Variants in GSE1 observed in about 807,000 individuals in gnomAD.
GSE1 encodes the protein genetic suppressor element 1.
GSE1 carries 32 observed loss-of-function variants against 112.6 expected under a neutral mutation model. The observed-to-expected ratio is 0.28, with a 90% CI of 0.21 to 0.38. GSE1 has a LOEUF of 0.38. Ranked by LOEUF, GSE1 falls within the 10% of genes least tolerant of loss-of-function variation. The pLI is 1.00. For synonymous variants in GSE1, 1,115 were observed against 735.6 expected (o/e 1.52, Z -8.35); for missense variants, 2,348 against 1,699.2 (o/e 1.38, Z -6.71).
chr16:85,610,444 G>C (rs1292112276), upstream of GSE1, among the ~76,000 whole-genome samples: 1 of 152,234 alleles, frequency 6.6e-6, no homozygotes, highest in East Asian at 1.9e-4. Flanking sequence ...AATGGAGGGA[G>C]GCCAGCCTTA....
Position 85,270,841 on chromosome 16 carries a change from C to T in GSE1, c.2284-86622C>T, listed in dbSNP as rs376290969. On this transcript the variant is annotated intron_variant, in intron 1 of 2. Coordinates refer to the GSE1 transcript ENST00000637419. ...TCTAAATGTGCCTGTCTGGCTCCTC[C>T]GGCAGCCCATCCATCCCAGGCTAGA... is the stretch of plus-strand genomic sequence containing the variant. Among the ~76,000 whole-genome samples the T allele has an allele frequency of 5.9e-5, 9 of 152,276 alleles. No individual in the cohort carries two copies. The East Asian group carries it at 7.7e-4, about 13-fold the overall frequency.
chr16:85,277,982 G>A (rs1909536713), intron 1 of GSE1, among the ~76,000 whole-genome samples: 1 of 152,240 alleles, frequency 6.6e-6, no homozygotes, highest in Non-Finnish European at 1.5e-5. Flanking sequence ...GAATGGGTGG[G>A]AAAGCAGGCT....
At chr16:85,502,174 A>G (rs1014382456) in intron 2 of GSE1, among the ~76,000 whole-genome samples, 6 of 152,134 alleles carry the variant, frequency 3.9e-5, no homozygotes, top group Non-Finnish European at 8.8e-5. Context: ...TGCCCAGCTG[A>G]GCTTGGGACA....
chr16:85,223,270 C>G (rs2075424577), intron 1 of GSE1, among the ~76,000 whole-genome samples: 1 of 152,222 alleles, frequency 6.6e-6, no homozygotes, highest in African/African-American at 2.4e-5. Flanking sequence ...CGCCTGTAAT[C>G]CCAACACTTT....
intron 1 of GSE1, among the ~76,000 whole-genome samples, chr16:85,206,841 G>A (rs1193823438): frequency 2.4e-4 from 8 of 33,760 alleles, no homozygotes; most frequent in African/African-American, 4.7e-4. Flanking sequence ...CCTGCCCACC[G>A]CCCCCTCCAC....
chr16:85,367,702 G>A (rs984767671), intron 2 of GSE1, among the ~76,000 whole-genome samples: 4 of 152,224 alleles, frequency 2.6e-5, no homozygotes, highest in Admixed American at 2.0e-4. Context: ...GTGGCTCCCT[G>A]TCCTCGTGAT....
chr16:85,555,110 C>T (rs2045135121), upstream of GSE1: 1 of 984,988 alleles, frequency 1.0e-6, no homozygotes, highest in African/African-American at 1.7e-5. Context: ...AAGGAGCCGC[C>T]GCCGCCGCCG....
At chr16:85,277,115 C>T (rs1483646253) in intron 1 of GSE1, among the ~76,000 whole-genome samples, 2 of 152,122 alleles carry the variant, frequency 1.3e-5, no homozygotes, top group Non-Finnish European at 2.9e-5. Flanking sequence ...GTAGGGGACA[C>T]CTGGCCCATC....
At chr16:85,306,993 G>A (rs919974192) in intron 1 of GSE1, among the ~76,000 whole-genome samples, 2 of 152,244 alleles carry the variant, frequency 1.3e-5, no homozygotes, top group African/African-American at 2.4e-5. Context: ...AAGCCACCCA[G>A]GTGTGTGGGT....
At chr16:85,644,783 A>T (rs2050718221) in intron 2 of GSE1, among the ~76,000 whole-genome samples, 1 of 151,890 alleles carries the variant, frequency 6.6e-6, no homozygotes, top group Admixed American at 6.6e-5. Flanking sequence ...TGGGTGGGTG[A>T]ATTACGCGGG....
intron 2 of GSE1, among the ~76,000 whole-genome samples, chr16:85,635,341 C>G (rs2049901515): frequency 6.6e-6 from 1 of 152,208 alleles, no homozygotes; most frequent in African/African-American, 2.4e-5. Context: ...AAACCAGGCA[C>G]AGGCAGGACC....
At chr16:85,612,782 C>T (rs1056157183), upstream of GSE1, among the ~76,000 whole-genome samples, 1 of 152,192 alleles carries the variant, frequency 6.6e-6, no homozygotes, top group Non-Finnish European at 1.5e-5. Context: ...GAAAGTTGTT[C>T]TCCAAAAGGC....
intron 1 of GSE1, among the ~76,000 whole-genome samples, chr16:85,312,015 C>A (rs757981809): frequency 1.4e-4 from 21 of 152,210 alleles, no homozygotes; most frequent in Non-Finnish European, 2.5e-4. Flanking sequence ...GCAGCTGGGC[C>A]AGCTCGACCT....
At chr16:85,657,732 C>A (rs570306962) in intron 8 of GSE1, 128 bp downstream of exon 8, 1 of 628,652 alleles carries the variant, frequency 1.6e-6, no homozygotes, top group South Asian at 2.3e-5. Flanking sequence ...CATTTCTGTT[C>A]TTTCATCTTC....
chr16:85,633,851 C>G (rs2049759027), intron 1 of GSE1, 63 bp from the exon 2 acceptor site: 2 of 1,358,208 alleles, frequency 1.5e-6, no homozygotes, highest in East Asian at 2.3e-5. Flanking sequence ...CCTGCCGACC[C>G]TGCTCTGGTG....
At chr16:85,403,907 G>A (rs1412128916) in intron 2 of GSE1, among the ~76,000 whole-genome samples, 1 of 152,168 alleles carries the variant, frequency 6.6e-6, no homozygotes, top group African/African-American at 2.4e-5. Flanking sequence ...GAGGCTGCTG[G>A]GAGGCCCCTT....
intron 2 of GSE1, among the ~76,000 whole-genome samples, chr16:85,449,246 G>A (rs904569974): frequency 2.0e-5 from 3 of 152,216 alleles, no homozygotes; most frequent in African/African-American, 4.8e-5. Context: ...GCCCCACCGC[G>A]CACCACATCT....
chr16:85,311,127 G>A lies in GSE1; in HGVS notation c.2284-46336G>A, dbSNP rs1015593048. ...GCCGTGGAGGACGGCAGAGGGGAGG[G>A]CAGCCTGCTCCGTGGGCTGGTCCCA... is the stretch of plus-strand genomic sequence containing the variant. On this transcript the variant is annotated intron_variant, in intron 1 of 2. Coordinates refer to the GSE1 transcript ENST00000637419. The surrounding 1 kb of genome is among the most constrained non-coding windows in gnomAD (Gnocchi z 4.2). 2.6e-5 allele frequency among the ~76,000 whole-genome samples: 4 copies of A among 152,218 alleles called. No homozygotes were observed. Among genetic ancestry groups the A allele is most frequent in the African/African-American group, 9.6e-5 (4 of 41,466 alleles).
At chr16:85,647,694 C>T (rs769288116) in intron 2 of GSE1, among the ~76,000 whole-genome samples, 1 of 152,322 alleles carries the variant, frequency 6.6e-6, no homozygotes, top group South Asian at 2.1e-4. Flanking sequence ...TCAAGCGATT[C>T]TCCTGCCTCC....
Sources: gnomAD v4.1 joint callset for allele counts (sites outside exome capture counted in the v4.1 genomes callset) on GRCh38, gnomAD v4.1.1 for gene constraint, Gnocchi (gnomAD v3.1) non-coding constraint, MANE v1.5 for transcripts, NCBI Gene and HGNC (gene_info 2026-07-23, HGNC 2026-07-21) for gene names.